EFCC1: variants seen among roughly 807,000 people sequenced by gnomAD.
EFCC1 encodes EF-hand and coiled-coil domain-containing protein 1.
Under a neutral mutation model 52.1 loss-of-function variants are expected in EFCC1, and 50 were observed. The ratio of observed to expected loss-of-function variants is 0.96; its 90% CI spans 0.76 to 1.21. The LOEUF (loss-of-function observed/expected upper bound fraction) is 1.21, where lower values mean the gene tolerates loss of function less well. Ranked by LOEUF, EFCC1 falls within the 50% of genes most tolerant of loss-of-function variation. The pLI, the probability that EFCC1 is intolerant of heterozygous loss-of-function variation, is 0.00. For missense variants in EFCC1, 837 were observed against 867.3 expected (o/e 0.97, Z 0.44); for synonymous variants, 399 against 396.5 (o/e 1.01, Z -0.08).
chr3:129,030,412 G>A (rs1311083883), intron 2 of EFCC1: 1 of 248,312 alleles, frequency 4.0e-6, no homozygotes, highest in East Asian at 7.4e-5. Flanking sequence ...AATGTCTAAA[G>A]GCAGGAAGGA....
chr3:129,003,510 G>C (rs556523730), intron 1 of EFCC1, among the ~76,000 whole-genome samples: 1 of 152,034 alleles, frequency 6.6e-6, no homozygotes, highest in East Asian at 1.9e-4. Context: ...TACTATAGAG[G>C]GAACAGAATA....
intron 2 of EFCC1, among the ~76,000 whole-genome samples, chr3:129,004,366 TCACCCCCCC>T (rs1468523830): frequency 3.2e-5 from 2 of 62,554 alleles, no homozygotes; most frequent in Admixed American, 2.1e-4. Flanking sequence ...GTCCATTCAC[TCACCCCCCC>T]CACCCACCCA....
chr3:129,038,489 G>C (rs1241532150), intron 6 of EFCC1, among the ~76,000 whole-genome samples: 2 of 152,252 alleles, frequency 1.3e-5, no homozygotes, highest in African/African-American at 4.8e-5. Flanking sequence ...GGTTAAAATG[G>C]GCATAATAAA....
chr3:129,009,833 T>C (rs1945238928), intron 2 of EFCC1, among the ~76,000 whole-genome samples: 1 of 152,210 alleles, frequency 6.6e-6, no homozygotes, highest in South Asian at 2.1e-4. Context: ...CAGCTTTTCC[T>C]GGATGCTGGG....
intron 6 of EFCC1, among the ~76,000 whole-genome samples, chr3:129,037,318 A>C (rs1431799010): frequency 6.6e-6 from 1 of 152,280 alleles, no homozygotes; most frequent in Admixed American, 6.5e-5. Context: ...TAAGAAGCTA[A>C]TAAAACTCTT....
chr3:129,036,800 A>G (rs1382145402), intron 5 of EFCC1, among the ~76,000 whole-genome samples, 177 bp from the exon 6 acceptor site: 2 of 152,224 alleles, frequency 1.3e-5, no homozygotes, highest in Non-Finnish European at 2.9e-5. Flanking sequence ...GAGTCCTTAG[A>G]GTGGGAAACA....
chr3:129,002,360 C>T (rs568317888), intron 1 of EFCC1, 36 bp downstream of exon 1: 4 of 1,492,096 alleles, frequency 2.7e-6, no homozygotes, highest in East Asian at 2.8e-5. Flanking sequence ...TGGTAACGCC[C>T]GGGAGAGGGC....
In EFCC1 at chr3:129,002,183, G is replaced by A; in HGVS notation, c.555G>A (p.Pro185=). 1.3e-6 allele frequency: 2 copies of A among 1,493,664 alleles called. No individual in the cohort carries two copies. Among genetic ancestry groups the A allele is most frequent in the Non-Finnish European group, 1.8e-6 (2 of 1,131,144 alleles). The allele number at this position is 1,493,664 out of a possible 1,614,324, so 92.5% of individuals were successfully genotyped here. A position where few individuals can be genotyped will look rare whatever the true frequency, so the allele number is the denominator to read the frequency against. The change falls in exon 1 of 8, where the codon CCG becomes CCA. Residue 185 remains proline, a synonymous_variant. Transcript: ENST00000683648. ...GCCGTCCGCGCCGCCGCCGCCGCCCGCCCTGCGCGCCTGGCCCCGACAGCG... is the reference window on the plus strand; with the variant it reads ...GCCGTCCGCGCCGCCGCCGCCGCCCACCCTGCGCGCCTGGCCCCGACAGCG... The part of the protein sequence containing the change: ...RLRRPRRRRR[P]PCAPGPDSGP...
chr3:129,024,741 G>A (rs764354950), intron 2 of EFCC1, among the ~76,000 whole-genome samples: 1 of 152,040 alleles, frequency 6.6e-6, no homozygotes, highest in African/African-American at 2.4e-5. Context: ...GGATCCACTC[G>A]TGAGGGCAGA....
chr3:129,034,812 G>A (rs945288296), intron 5 of EFCC1, among the ~76,000 whole-genome samples: 7 of 152,152 alleles, frequency 4.6e-5, no homozygotes, highest in East Asian at 1.9e-4. Context: ...GAGGAACTCC[G>A]ATTGGCCACC....
chr3:129,032,431 T>G lies in EFCC1; in HGVS notation c.1139-388T>G, dbSNP rs932497487. On this transcript the variant is annotated intron_variant, in intron 3 of 7. Transcript: ENST00000683648. Reference sequence around the variant, plus strand: ...GGGAGGCTGAGACAGGAGGATCACTTGAGCCCAGGAGTTTGAGGCTGCAGT... The same window carrying G: ...GGGAGGCTGAGACAGGAGGATCACTGGAGCCCAGGAGTTTGAGGCTGCAGT... 7.2e-5 allele frequency among the ~76,000 whole-genome samples: 11 copies of G among 152,064 alleles called. No individual in the cohort carries two copies. In the East Asian group the frequency reaches 2.1e-3, roughly 30 times the overall value.
chr3:129,003,677 GA>G (rs1286632648), intron 1 of EFCC1, 116 bp from the exon 2 acceptor site: 3 of 1,049,006 alleles, frequency 2.9e-6, no homozygotes, highest in Admixed American at 9.4e-5. Context: ...GACGGCGCAA[GA>G]AACGTGCTCA....
At position 129,001,739 on chromosome 3, in the gene EFCC1, C is replaced by T; in HGVS notation, c.111C>T (p.His37=). The T allele has an allele frequency of 6.5e-7, 1 of 1,535,876 alleles. No individual in the cohort carries two copies. Residue 37 remains histidine (H), a synonymous_variant, in exon 1 of 8, where the codon CAC becomes CAT. Transcript: ENST00000683648. ...GGCTGCTGAGCGCCCTGGCGCACCA[C>T]TACGGGCTGGACCGCGGCGTGGAGA... ...TQWLLSALAH[H]YGLDRGVENE...
intron 2 of EFCC1, among the ~76,000 whole-genome samples, chr3:129,022,534 C>T (rs1419946804): frequency 6.6e-6 from 1 of 152,190 alleles, no homozygotes; most frequent in East Asian, 1.9e-4. Flanking sequence ...CCAGATGTGG[C>T]CATCAGCCTC....
rs1945282869 is a variant in EFCC1, at chr3:129,010,616, T to G, written c.980+6539T>G. 2.0e-5 allele frequency among the ~76,000 whole-genome samples: 3 copies of G among 150,676 alleles called. No individual in the cohort carries two copies. The South Asian group carries it at 6.4e-4, about 32-fold the overall frequency. ...TACCTCCTTTCTTCTGCCCCATTGC[T>G]GCTGCCTGGCCTGACCTGGCAGCCT... is the stretch of plus-strand genomic sequence containing the variant. On this transcript the variant is annotated intron_variant, in intron 2 of 7. Coordinates refer to ENST00000683648, the MANE Select transcript of EFCC1 (RefSeq NM_001377500.1). This position sits in a 1 kb window ranked among gnomAD's most constrained non-coding sequence, Gnocchi z 4.3.
In EFCC1 at chr3:129,022,074, G is replaced by A. The variant is rs377526504; in HGVS notation, c.981-8629G>A. On this transcript the variant is annotated intron_variant, in intron 2 of 7. Transcript: ENST00000683648. Reference sequence around the variant, plus strand: ...CACCCAGAACTCACCGTGTGCTGGTGTCTAAGCATTTACCAAGCTTCAGAT... The same window carrying A: ...CACCCAGAACTCACCGTGTGCTGGTATCTAAGCATTTACCAAGCTTCAGAT... Among the ~76,000 whole-genome samples the A allele has an allele frequency of 1.1e-4, 17 of 152,320 alleles. 1 individual carries two copies. Among genetic ancestry groups the A allele is most frequent in the Admixed American group, 4.6e-4 (7 of 15,298 alleles).
chr3:129,027,314 AG>A (rs1241224672), intron 2 of EFCC1, among the ~76,000 whole-genome samples: 1 of 152,130 alleles, frequency 6.6e-6, no homozygotes, highest in Non-Finnish European at 1.5e-5. Context: ...GAGGCGCTGC[AG>A]GGGGCCCCGG....
At chr3:129,027,961 A>G (rs1292785539) in intron 2 of EFCC1, among the ~76,000 whole-genome samples, 4 of 152,156 alleles carry the variant, frequency 2.6e-5, no homozygotes, top group African/African-American at 9.7e-5. Context: ...CTCAGTAAAT[A>G]AATAATAAAA....
chr3:129,014,361 G>C lies in EFCC1; in HGVS notation c.980+10284G>C, dbSNP rs900383. The stretch of plus-strand genomic sequence containing the variant: ...CAACAGGCATTTGTCTCCCACAGCT[G>C]TGGAGGCTGACCAGAGTGCGGTGTC... On this transcript the variant is annotated intron_variant, in intron 2 of 7. Transcript: ENST00000683648. The surrounding 1 kb of genome is among the most constrained non-coding windows in gnomAD (Gnocchi z 4.3). Among the ~76,000 whole-genome samples, 152,354 of 152,354 alleles carry C rather than the reference G, an allele frequency of 1. 76,177 individuals carry two copies. The highest frequency in any genetic ancestry group is 1 in the Non-Finnish European group (68,042 of 68,042).
Sources: gnomAD v4.1 joint callset for allele counts (sites outside exome capture counted in the v4.1 genomes callset) on GRCh38, gnomAD v4.1.1 for gene constraint, Gnocchi (gnomAD v3.1) non-coding constraint, MANE v1.5 for transcripts, NCBI Gene and HGNC (gene_info 2026-07-23, HGNC 2026-07-21) for gene names.